The following LRRC20 variants were observed in gnomAD, a reference collection of about 807,000 sequenced individuals.
LRRC20 encodes the protein leucine rich repeat containing 20.
Under a neutral mutation model 14.4 loss-of-function variants are expected in LRRC20, and 11 were observed. The observed-to-expected ratio is 0.77, with a 90% CI of 0.48 to 1.27. LRRC20 has a LOEUF of 1.27. Among genes scored for constraint, LRRC20 ranks in the 50% most tolerant of loss-of-function variants. The pLI, the probability that LRRC20 is intolerant of heterozygous loss-of-function variation, is 0.00. For synonymous variants in LRRC20, 121 were observed against 107.3 expected (o/e 1.13, Z -0.79); for missense variants, 219 against 251.2 (o/e 0.87, Z 0.87).
In LRRC20 at chr10:70,301,405, G is replaced by A. The variant is rs1841175067; in HGVS notation, c.504C>T (p.Ile168=). The A allele has an allele frequency of 1.2e-6, 2 of 1,613,928 alleles. No homozygotes were observed. The highest frequency in any genetic ancestry group is 1.7e-5 in the Admixed American group (1 of 60,008). ...AEVRVIAPPL[I]KFDMLMSPEG... is the part of the protein sequence containing the mutation. ...CCGGAGACATGAGCATGTCAAACTTGATGAGCGGCGGGGCGATCACGCGCA... is the reference window on the plus strand; with the variant it reads ...CCGGAGACATGAGCATGTCAAACTTAATGAGCGGCGGGGCGATCACGCGCA... Residue 168 remains isoleucine (I), a synonymous_variant, in exon 5 of 5, where the codon ATC becomes ATT. Coordinates refer to ENST00000446961, the MANE Select transcript of LRRC20 (RefSeq NM_001278212.2).
intron 4 of LRRC20, among the ~76,000 whole-genome samples, chr10:70,318,443 C>A (rs949078088): frequency 6.6e-6 from 1 of 152,216 alleles, no homozygotes; most frequent in African/African-American, 2.4e-5. Flanking sequence ...CTATATGACA[C>A]AGATACTTTT....
intron 1 of LRRC20, among the ~76,000 whole-genome samples, chr10:70,376,950 G>A (rs1844534245): frequency 6.6e-6 from 1 of 152,202 alleles, no homozygotes; most frequent in Non-Finnish European, 1.5e-5. Flanking sequence ...TGGGAAGGAG[G>A]TAGGGCGCAG....
intron 4 of LRRC20, among the ~76,000 whole-genome samples, chr10:70,303,949 G>A (rs572148171): frequency 3.9e-5 from 6 of 152,286 alleles, no homozygotes; most frequent in Non-Finnish European, 4.4e-5. Context: ...CACTGTGAAT[G>A]TCCTCAATGC....
intron 2 of LRRC20, among the ~76,000 whole-genome samples, chr10:70,350,474 G>A (rs1843259233): frequency 6.6e-6 from 1 of 152,226 alleles, no homozygotes; most frequent in South Asian, 2.1e-4. Flanking sequence ...TCTAATGAAT[G>A]CTTGATGAAA....
chr10:70,367,202 G>A (rs1844038348), intron 2 of LRRC20, among the ~76,000 whole-genome samples: 1 of 151,720 alleles, frequency 6.6e-6, no homozygotes, highest in Admixed American at 6.6e-5. Context: ...GTGCACACAT[G>A]TAGTCCTAGC....
chr10:70,378,901 G>A (rs770105090), intron 1 of LRRC20, among the ~76,000 whole-genome samples: 21 of 152,076 alleles, frequency 1.4e-4, no homozygotes, highest in African/African-American at 4.1e-4. Context: ...AGCCGAGATC[G>A]TCCCATTGCA....
At chr10:70,341,709 A>G (rs1330293494) in intron 2 of LRRC20, among the ~76,000 whole-genome samples, 1 of 152,214 alleles carries the variant, frequency 6.6e-6, no homozygotes, top group Admixed American at 6.5e-5. Context: ...TGGGAGTTAC[A>G]GTGGGCCCAG....
chr10:70,373,274 A>G (rs111898514), intron 2 of LRRC20, among the ~76,000 whole-genome samples: 2,110 of 152,204 alleles, frequency 0.014, 45 homozygotes, highest in African/African-American at 0.048. Flanking sequence ...TTCCTGGTCT[A>G]CTTCAATACC....
intron 4 of LRRC20, among the ~76,000 whole-genome samples, 164 bp downstream of exon 4, chr10:70,323,699 G>A (rs570044339): frequency 6.6e-6 from 1 of 152,344 alleles, no homozygotes; most frequent in African/African-American, 2.4e-5. Flanking sequence ...GTAGGCAACA[G>A]GGCCTCAAAA....
chr10:70,343,764 C>T (rs548989496), intron 2 of LRRC20, among the ~76,000 whole-genome samples: 1 of 152,308 alleles, frequency 6.6e-6, no homozygotes, highest in East Asian at 1.9e-4. Context: ...GTGAATTACA[C>T]CAGTCCCTTT....
At chr10:70,351,224 C>T (rs2137060371) in intron 2 of LRRC20, among the ~76,000 whole-genome samples, 1 of 152,128 alleles carries the variant, frequency 6.6e-6, no homozygotes, top group Admixed American at 6.5e-5. Flanking sequence ...AGAGGCTGGT[C>T]CTTTCATCCT....
intron 2 of LRRC20, among the ~76,000 whole-genome samples, chr10:70,351,596 A>G (rs1380996582): frequency 6.6e-6 from 1 of 152,198 alleles, no homozygotes; most frequent in Non-Finnish European, 1.5e-5. Flanking sequence ...TTTCTTTTTA[A>G]TTATTGTAAA....
intron 1 of LRRC20, chr10:70,376,883 G>C (rs1844532192): frequency 3.4e-6 from 1 of 296,362 alleles, no homozygotes; most frequent in African/African-American, 2.2e-5. Context: ...CAGCAGCCAG[G>C]GAGGTGTGAG....
Position 70,303,261 on chromosome 10 carries a change from C to A in LRRC20, c.401-1753G>T, listed in dbSNP as rs1841285495. ...ATTCTTCTTAACTATGGGAATGCCA[C>A]TCTATCATGCCATCTGCTCCATCAT... On this transcript the variant is annotated intron_variant, in intron 4 of 4. Transcript: ENST00000446961. 2.0e-5 allele frequency among the ~76,000 whole-genome samples: 3 copies of A among 152,300 alleles called. No individual in the cohort carries two copies. In the South Asian group the frequency reaches 6.2e-4, roughly 32 times the overall value.
At chr10:70,352,234 T>C (rs67393394) in intron 2 of LRRC20, among the ~76,000 whole-genome samples, 106,986 of 151,652 alleles carry the variant, frequency 0.71, 38,878 homozygotes, top group Middle Eastern at 0.83. Context: ...AAGCTTTTTT[T>C]TTTTTTAAGT....
chr10:70,357,434 CA>C lies in LRRC20; in HGVS notation c.83-16733del, dbSNP rs757622498. Among the ~76,000 whole-genome samples the C allele has an allele frequency of 3.3e-5, 5 of 152,312 alleles. No individual in the cohort carries two copies. The East Asian group carries it at 9.6e-4, about 29-fold the overall frequency. On this transcript the variant is annotated intron_variant, in intron 2 of 4. Transcript: ENST00000446961. ...TTCTGAGCATGAAATAAAACGTCTGCAAGGCTCTTAGCACAGTGCCTGGCAG... is the reference window on the plus strand; with the variant it reads ...TTCTGAGCATGAAATAAAACGTCTGCAGGCTCTTAGCACAGTGCCTGGCAG...
chr10:70,354,309 C>A (rs963829688), intron 2 of LRRC20, among the ~76,000 whole-genome samples: 1 of 152,086 alleles, frequency 6.6e-6, no homozygotes, highest in African/African-American at 2.4e-5. Flanking sequence ...AAGTGTGACA[C>A]CTGGGGACAC....
chr10:70,323,156 G>A (rs1396656737), intron 4 of LRRC20, among the ~76,000 whole-genome samples: 3 of 152,066 alleles, frequency 2.0e-5, no homozygotes, highest in Non-Finnish European at 4.4e-5. Flanking sequence ...GCTGCGGAGG[G>A]GAGGGCACAC....
chr10:70,308,794 C>T (rs1445032259), intron 4 of LRRC20, among the ~76,000 whole-genome samples: 4 of 152,088 alleles, frequency 2.6e-5, no homozygotes, highest in East Asian at 1.9e-4. Flanking sequence ...CGTGACTCCT[C>T]GGAGAAGAGG....
Sources: gnomAD v4.1 joint callset for allele counts (sites outside exome capture counted in the v4.1 genomes callset) on GRCh38, gnomAD v4.1.1 for gene constraint, MANE v1.5 for transcripts, NCBI Gene and HGNC (gene_info 2026-07-23, HGNC 2026-07-21) for gene names.